FAM240B: variants seen among roughly 807,000 people sequenced by gnomAD.
FAM240B encodes protein FAM240B.
chr9:38,719,286 C>A (rs1192478027), intron 1 of FAM240B, among the ~76,000 whole-genome samples: 1 of 150,946 alleles, frequency 6.6e-6, no homozygotes. Flanking sequence ...CAGTGTACAT[C>A]TCTTGAGAGG....
chr9:38,705,167 G>T (rs1312654890), intron 1 of FAM240B, among the ~76,000 whole-genome samples: 1 of 152,234 alleles, frequency 6.6e-6, no homozygotes, highest in Non-Finnish European at 1.5e-5. Flanking sequence ...AAGTGCTTCA[G>T]CCCTGGCTGG....
At chr9:38,707,595 C>T (rs1340826112) in intron 1 of FAM240B, among the ~76,000 whole-genome samples, 5 of 148,170 alleles carry the variant, frequency 3.4e-5, no homozygotes, top group South Asian at 4.3e-4. Flanking sequence ...GATGAAACCC[C>T]GTCTCTACTA....
intron 1 of FAM240B, among the ~76,000 whole-genome samples, chr9:38,711,892 G>A (rs1341933056): frequency 2.0e-5 from 3 of 151,944 alleles, no homozygotes; most frequent in East Asian, 1.9e-4. Context: ...TCCTGACCTC[G>A]TGATCCGCCC....
intron 1 of FAM240B, among the ~76,000 whole-genome samples, chr9:38,712,538 G>A (rs890263927): frequency 6.6e-6 from 1 of 152,110 alleles, no homozygotes. Flanking sequence ...ATTCGTGAGC[G>A]AGAAAGTGAA....
intron 1 of FAM240B, among the ~76,000 whole-genome samples, chr9:38,715,882 G>C (rs1027621491): frequency 6.6e-6 from 1 of 152,164 alleles, no homozygotes; most frequent in African/African-American, 2.4e-5. Context: ...ATAAAACAAA[G>C]TGAAAGCAAT....
At chr9:38,710,491 A>T (rs924024432) in intron 1 of FAM240B, among the ~76,000 whole-genome samples, 4 of 152,162 alleles carry the variant, frequency 2.6e-5, no homozygotes, top group African/African-American at 9.7e-5. Flanking sequence ...TCTGACTCCC[A>T]CCTCTAAAAA....
At chr9:38,711,780 C>T (rs1821258734) in intron 1 of FAM240B, among the ~76,000 whole-genome samples, 5 of 151,858 alleles carry the variant, frequency 3.3e-5, no homozygotes. Context: ...CCTCAGCCTC[C>T]TGAGTAGCTG....
chr9:38,699,606 G>A (rs545042782), intron 2 of FAM240B, among the ~76,000 whole-genome samples: 1 of 152,306 alleles, frequency 6.6e-6, no homozygotes, highest in African/African-American at 2.4e-5. Flanking sequence ...GGAATTGCCT[G>A]GAACTAGCAC....
Position 38,694,434 on chromosome 9 carries a change from G to C in FAM240B, c.*342C>G, listed in dbSNP as rs541686612. On this transcript the variant is annotated 3_prime_UTR_variant, in exon 3 of 3. Coordinates refer to ENST00000637493, the MANE Select transcript of FAM240B (RefSeq NM_001394922.1). ...TAAGCTTAGAGAAAACACTTCAAATGTCTCAAGACTTGAAACATTTCAAAA... is the reference window on the plus strand; with the variant it reads ...TAAGCTTAGAGAAAACACTTCAAATCTCTCAAGACTTGAAACATTTCAAAA... The C allele has an allele frequency of 5.2e-6, 1 of 190,642 alleles. No homozygotes were observed. The allele number at this position is 190,642 out of a possible 1,614,324, so 11.8% of individuals were successfully genotyped here.
chr9:38,695,518 C>G (rs57394800), intron 2 of FAM240B, among the ~76,000 whole-genome samples: 8,119 of 152,252 alleles, frequency 0.053, 261 homozygotes, highest in Non-Finnish European at 0.069. Context: ...GAGCAAGACT[C>G]CGTCTCAAAA....
At chr9:38,706,596 G>A (rs1821192991) in intron 1 of FAM240B, among the ~76,000 whole-genome samples, 1 of 152,092 alleles carries the variant, frequency 6.6e-6, no homozygotes, top group South Asian at 2.1e-4. Flanking sequence ...AGACATTGAG[G>A]GTCTGAGCGT....
At chr9:38,702,265 G>C (rs977869018) in intron 2 of FAM240B, among the ~76,000 whole-genome samples, 11 of 152,220 alleles carry the variant, frequency 7.2e-5, no homozygotes, top group Non-Finnish European at 1.3e-4. Context: ...GCCACCAGGA[G>C]TGTGGCTGGA....
chr9:38,695,975 T>C (rs1490719410), intron 2 of FAM240B, among the ~76,000 whole-genome samples: 1 of 152,188 alleles, frequency 6.6e-6, no homozygotes, highest in Non-Finnish European at 1.5e-5. Context: ...TGCTGGAACA[T>C]TATGTATCTA....
In FAM240B at chr9:38,698,315, T is replaced by A. The variant is rs1821089136; in HGVS notation, c.144-3446A>T. Reference sequence around the variant, plus strand: ...TTCTGAATTGGATAGTAATCAAATGTTTACTTGTTCTATGATTTTTACAAA... The same window carrying A: ...TTCTGAATTGGATAGTAATCAAATGATTACTTGTTCTATGATTTTTACAAA... On this transcript the variant is annotated intron_variant, in intron 2 of 2. Coordinates refer to ENST00000637493, the MANE Select transcript of FAM240B (RefSeq NM_001394922.1). 2.0e-5 allele frequency among the ~76,000 whole-genome samples: 3 copies of A among 152,212 alleles called. No individual in the cohort carries two copies. The South Asian group carries it at 6.2e-4, about 32-fold the overall frequency.
At chr9:38,717,607 A>C (rs1821321993) in intron 1 of FAM240B, among the ~76,000 whole-genome samples, 1 of 151,984 alleles carries the variant, frequency 6.6e-6, no homozygotes, top group African/African-American at 2.4e-5. Context: ...CAGCCTCCTG[A>C]GTAGCTGGGA....
chr9:38,711,177 C>T (rs73454411), intron 1 of FAM240B, among the ~76,000 whole-genome samples: 30,542 of 152,180 alleles, frequency 0.2, 3,200 homozygotes, highest in South Asian at 0.32. Context: ...CACTTTCTGT[C>T]GAAGTGCTCG....
intron 1 of FAM240B, among the ~76,000 whole-genome samples, chr9:38,711,364 G>C (rs1295793662): frequency 6.6e-6 from 1 of 152,186 alleles, no homozygotes; most frequent in Non-Finnish European, 1.5e-5. Flanking sequence ...TTTCACCCAA[G>C]GTGAAAATAC....
intron 2 of FAM240B, among the ~76,000 whole-genome samples, chr9:38,702,600 C>T (rs374083207): frequency 6.6e-6 from 1 of 152,210 alleles, no homozygotes. Flanking sequence ...AGGGTAGGTG[C>T]TGGCCCTGGC....
At chr9:38,698,232 A>T (rs992675945) in intron 2 of FAM240B, among the ~76,000 whole-genome samples, 3 of 152,242 alleles carry the variant, frequency 2.0e-5, no homozygotes, top group South Asian at 2.1e-4. Context: ...AGCAAAAAAA[A>T]TTGAGGAAAT....
Sources: gnomAD v4.1 joint callset for allele counts (sites outside exome capture counted in the v4.1 genomes callset) on GRCh38, gnomAD v4.1.1 for gene constraint, MANE v1.5 for transcripts, NCBI Gene and HGNC (gene_info 2026-07-23, HGNC 2026-07-21) for gene names.